Variants in VAV3 observed in about 807,000 individuals in gnomAD.
The protein encoded by VAV3 is guanine nucleotide exchange factor VAV3.
A neutral mutation model predicts 131.2 loss-of-function variants in VAV3; 94 were observed. The ratio of observed to expected loss-of-function variants is 0.72; its 90% CI spans 0.61 to 0.85. The LOEUF (loss-of-function observed/expected upper bound fraction) is 0.85. Ranked by LOEUF, VAV3 falls within the 40% of genes least tolerant of loss-of-function variation. The pLI, the probability that VAV3 is intolerant of heterozygous loss-of-function variation, is 0.00. For missense variants in VAV3, 939 were observed against 1,002.7 expected (o/e 0.94, Z 0.86); for synonymous variants, 349 against 342.0 (o/e 1.02, Z -0.22).
At chr1:107,738,445 G>A (rs1372716968) in intron 15 of VAV3, among the ~76,000 whole-genome samples, 1 of 152,150 alleles carries the variant, frequency 6.6e-6, no homozygotes, top group Non-Finnish European at 1.5e-5. Context: ...CCCCTAGTGT[G>A]TAAAACACTT....
chr1:107,801,964 A>G (rs1352965801), intron 2 of VAV3, among the ~76,000 whole-genome samples: 1 of 151,728 alleles, frequency 6.6e-6, no homozygotes, highest in Non-Finnish European at 1.5e-5. Context: ...TTATTATTAT[A>G]CTTTAAGTTC....
chr1:107,705,354 G>GAA (rs376720993), intron 15 of VAV3, among the ~76,000 whole-genome samples: 164 of 129,414 alleles, frequency 1.3e-3, no homozygotes, highest in African/African-American at 2.3e-3. Flanking sequence ...AACCTGCCTG[G>GAA]AAAAAAAAAA....
At chr1:107,767,518 T>C (rs1177714673) in intron 7 of VAV3, among the ~76,000 whole-genome samples, 1 of 152,224 alleles carries the variant, frequency 6.6e-6, no homozygotes. Context: ...CAGCTGATAT[T>C]GTGCATGTTA....
At chr1:107,795,346 T>C (rs369018781) in intron 2 of VAV3, among the ~76,000 whole-genome samples, 1 of 152,228 alleles carries the variant, frequency 6.6e-6, no homozygotes, top group Non-Finnish European at 1.5e-5. Context: ...CTCGGTGCTA[T>C]ATAAAAACTC....
At chr1:107,806,603 T>A (rs1422005922) in intron 2 of VAV3, among the ~76,000 whole-genome samples, 3 of 152,182 alleles carry the variant, frequency 2.0e-5, no homozygotes, top group Non-Finnish European at 4.4e-5. Context: ...AAAATACCAA[T>A]ATTTTTATTG....
chr1:107,644,808 G>A (rs926981597), intron 19 of VAV3, among the ~76,000 whole-genome samples: 8 of 151,956 alleles, frequency 5.3e-5, no homozygotes, highest in Non-Finnish European at 1.0e-4. Context: ...GTTAGGGATG[G>A]AGCAATGCTG....
At chr1:107,778,607 G>A (rs1665508074) in intron 3 of VAV3, among the ~76,000 whole-genome samples, 2 of 152,300 alleles carry the variant, frequency 1.3e-5, no homozygotes, top group South Asian at 2.1e-4. Context: ...AGCCAGTGCA[G>A]AGAACCCCAC....
chr1:107,713,882 TC>T, intron 15 of VAV3, among the ~76,000 whole-genome samples: 1 of 152,088 alleles, frequency 6.6e-6, no homozygotes, highest in East Asian at 1.9e-4. Context: ...TCCTATAAAG[TC>T]AGACATCACG....
At chr1:107,709,694 C>T (rs939869398) in intron 15 of VAV3, among the ~76,000 whole-genome samples, 21 of 152,250 alleles carry the variant, frequency 1.4e-4, no homozygotes, top group Admixed American at 9.2e-4. Context: ...TCTCATGATA[C>T]GGAGTTATTT....
At chr1:107,769,648 C>T (rs1011243393) in intron 6 of VAV3, among the ~76,000 whole-genome samples, 1 of 152,150 alleles carries the variant, frequency 6.6e-6, no homozygotes, top group Non-Finnish European at 1.5e-5. Flanking sequence ...ATACCTAACA[C>T]CTTTCTCAAC....
At chr1:107,806,359 G>C (rs1010747587) in intron 2 of VAV3, among the ~76,000 whole-genome samples, 4 of 152,038 alleles carry the variant, frequency 2.6e-5, no homozygotes, top group African/African-American at 9.7e-5. Flanking sequence ...TCTGCTTGGA[G>C]TGTCTTTACT....
chr1:107,739,444 T>C (rs1341031196), intron 15 of VAV3, among the ~76,000 whole-genome samples: 1 of 152,164 alleles, frequency 6.6e-6, no homozygotes, highest in Non-Finnish European at 1.5e-5. Context: ...TTATAGACAA[T>C]ACATTAGATT....
intron 19 of VAV3, chr1:107,668,767 T>C (rs1268398302): frequency 1.0e-6 from 1 of 984,208 alleles, no homozygotes; most frequent in Non-Finnish European, 1.2e-6. Flanking sequence ...TGTTTCAGTA[T>C]GAATTTCTAA....
chr1:107,736,385 G>A (rs964201810), intron 15 of VAV3, among the ~76,000 whole-genome samples: 1 of 152,104 alleles, frequency 6.6e-6, no homozygotes, highest in Non-Finnish European at 1.5e-5. Context: ...AAGAAATAAA[G>A]GGTATTCAAT....
intron 1 of VAV3, among the ~76,000 whole-genome samples, chr1:107,935,239 G>C (rs1222178801): frequency 2.0e-5 from 3 of 152,124 alleles, no homozygotes; most frequent in African/African-American, 7.2e-5. Context: ...TCATTTTAAA[G>C]CAATTAAGCC....
intron 2 of VAV3, among the ~76,000 whole-genome samples, chr1:107,808,719 T>G (rs1053772447): frequency 6.6e-6 from 1 of 152,140 alleles, no homozygotes; most frequent in African/African-American, 2.4e-5. Context: ...TTTTGCCACA[T>G]AAGATGATTT....
At chr1:107,583,057 C>T (rs929821460) in intron 25 of VAV3, among the ~76,000 whole-genome samples, 4 of 152,218 alleles carry the variant, frequency 2.6e-5, no homozygotes, top group Non-Finnish European at 5.9e-5. Flanking sequence ...TATTTCTCCA[C>T]ATCCTCTCCA....
chr1:107,591,835 C>T (rs140215561), intron 25 of VAV3, among the ~76,000 whole-genome samples: 10 of 152,230 alleles, frequency 6.6e-5, no homozygotes, highest in Non-Finnish European at 1.0e-4. Flanking sequence ...GCTAAATACT[C>T]AGCACACGTT....
At chr1:107,813,064 A>C (rs1667394915) in intron 2 of VAV3, among the ~76,000 whole-genome samples, 1 of 151,016 alleles carries the variant, frequency 6.6e-6, no homozygotes, top group African/African-American at 2.4e-5. Context: ...CAGAGCTGGC[A>C]GTGAGCCGAG....
Sources: allele counts gnomAD v4.1 joint callset (sites outside exome capture counted in the v4.1 genomes callset), GRCh38; gene constraint gnomAD v4.1.1; transcripts MANE v1.5; gene names NCBI Gene and HGNC (gene_info 2026-07-23, HGNC 2026-07-21).